IL1RN: variants seen among roughly 807,000 people sequenced by gnomAD.
IL1RN encodes the protein interleukin-1 receptor antagonist protein.
A neutral mutation model predicts 13.7 loss-of-function variants in IL1RN; 10 were observed. The ratio of observed to expected loss-of-function variants is 0.73; its 90% CI spans 0.45 to 1.24. The LOEUF (loss-of-function observed/expected upper bound fraction) is 1.24, where lower values mean the gene tolerates loss of function less well. IL1RN is among the 50% of genes most tolerant of loss of function. The probability of loss-of-function intolerance (pLI) is 0.00; values close to 1 mark genes in which losing one functional copy is unlikely to be tolerated. For missense variants in IL1RN, 213 were observed against 222.1 expected (o/e 0.96, Z 0.26); for synonymous variants, 102 against 82.7 (o/e 1.23, Z -1.27).
At chr2:113,123,262 G>C (rs1465232359), upstream of IL1RN, among the ~76,000 whole-genome samples, 1 of 152,238 alleles carries the variant, frequency 6.6e-6, no homozygotes, top group Non-Finnish European at 1.5e-5. Flanking sequence ...GGAGGCATCA[G>C]AGAATGGCCA....
At chr2:113,123,425 G>A (rs1429487011), upstream of IL1RN, among the ~76,000 whole-genome samples, 1 of 152,130 alleles carries the variant, frequency 6.6e-6, no homozygotes, top group African/African-American at 2.4e-5. Context: ...CTTAAATCCT[G>A]CCTACAGGGA....
chr2:113,129,771 T>A, intron 2 of IL1RN, 107 bp downstream of exon 2: 1 of 797,562 alleles, frequency 1.3e-6, no homozygotes, highest in Non-Finnish European at 2.3e-6. Flanking sequence ...AATGTCCTAA[T>A]CCTTGTTGGG....
upstream of IL1RN, among the ~76,000 whole-genome samples, chr2:113,103,150 C>T (rs1418873819): frequency 2.6e-5 from 4 of 152,176 alleles, no homozygotes; most frequent in Admixed American, 2.0e-4. Flanking sequence ...CTGGTGCTAT[C>T]ACTCCATCCT....
chr2:113,100,339 AAAG>A, the IL1RN span, among the ~76,000 whole-genome samples: 4 of 150,942 alleles, frequency 2.7e-5, no homozygotes, highest in African/African-American at 4.9e-5. Context: ...AAAAAAAAAA[AAAG>A]GCTGGAAAAC....
the IL1RN span, among the ~76,000 whole-genome samples, chr2:113,101,111 A>G: frequency 2.0e-5 from 3 of 152,208 alleles, no homozygotes; most frequent in African/African-American, 7.2e-5. Flanking sequence ...AAGAGTAGTG[A>G]CTTGTGGAAA....
At chr2:113,117,972 G>A (rs55849304) in exon 1 of IL1RN, 2 of 1,131,192 alleles carry the variant, frequency 1.8e-6, no homozygotes, top group Non-Finnish European at 2.7e-6. Flanking sequence ...AGTTGAGTTA[G>A]AGTCTGGAAG....
upstream of IL1RN, among the ~76,000 whole-genome samples, chr2:113,115,010 G>T (rs1171966786): frequency 6.6e-6 from 1 of 152,174 alleles, no homozygotes; most frequent in Non-Finnish European, 1.5e-5. Context: ...TTCACAAGCT[G>T]AGTCTGGAAG....
chr2:113,118,560 G>A (rs1173628674), intron 1 of IL1RN, among the ~76,000 whole-genome samples: 2 of 152,134 alleles, frequency 1.3e-5, no homozygotes, highest in Non-Finnish European at 2.9e-5. Flanking sequence ...TTCCAGAAGA[G>A]TCCGATATTC....
chr2:113,123,261 A>G (rs1346131265), upstream of IL1RN, among the ~76,000 whole-genome samples: 1 of 152,250 alleles, frequency 6.6e-6, no homozygotes. Flanking sequence ...TGGAGGCATC[A>G]GAGAATGGCC....
chr2:113,116,986 C>T (rs45488591), upstream of IL1RN, among the ~76,000 whole-genome samples: 28 of 152,342 alleles, frequency 1.8e-4, no homozygotes, highest in Middle Eastern at 0.017. Context: ...GGGGACTAGA[C>T]CCGGGACTTC....
chr2:113,108,736 G>A (rs1235441474), upstream of IL1RN, among the ~76,000 whole-genome samples: 1 of 152,134 alleles, frequency 6.6e-6, no homozygotes, highest in Non-Finnish European at 1.5e-5. Context: ...GTAAAAAATG[G>A]TGAGGAAGAA....
intron 1 of IL1RN, among the ~76,000 whole-genome samples, chr2:113,112,235 C>T (rs982312199): frequency 6.6e-6 from 1 of 152,112 alleles, no homozygotes; most frequent in Non-Finnish European, 1.5e-5. Context: ...GCGGAGCTTC[C>T]GAGGGCCCAG....
At position 113,131,149 on chromosome 2, in the gene IL1RN, C is replaced by T. The variant is rs1162992196; in HGVS notation, c.310C>T (p.Gln104Ter). ...CVKSGDETRL[Q>*]LEAVNITDLS... ...CAAGTCTGGTGATGAGACCAGACTC[C>T]AGCTGGAGGTAAAAACATGCTTTGG... Residue 104 changes from glutamine to a stop codon, truncating the protein, a stop_gained, in exon 3 of 4, where the codon CAG becomes TAG. Coordinates refer to ENST00000409930, the MANE Select transcript of IL1RN (RefSeq NM_173842.3). LOFTEE classifies it low-confidence loss of function (END_TRUNC). 6.3e-7 allele frequency: 1 copy of T among 1,594,874 alleles called. No homozygotes were observed. The highest frequency in any genetic ancestry group is 1.1e-5 in the South Asian group (1 of 90,738).
At chr2:113,121,852 A>C (rs571972871) in intron 2 of IL1RN, among the ~76,000 whole-genome samples, 1 of 152,344 alleles carries the variant, frequency 6.6e-6, no homozygotes, top group South Asian at 2.1e-4. Context: ...GGTTAAAATT[A>C]ACTTGGCTAC....
chr2:113,105,994 C>T (rs1429019769), upstream of IL1RN, among the ~76,000 whole-genome samples: 1 of 152,218 alleles, frequency 6.6e-6, no homozygotes, highest in Non-Finnish European at 1.5e-5. Flanking sequence ...TCATAGCCAT[C>T]TCACCAATGT....
chr2:113,121,051 T>TTCC (rs1558864248), intron 2 of IL1RN, among the ~76,000 whole-genome samples: 12 of 128,666 alleles, frequency 9.3e-5, no homozygotes, highest in African/African-American at 3.2e-4. Context: ...CTTCCTCTTC[T>TTCC]TCTTCTTCCT....
At chr2:113,131,428 C>T (rs558204525) in intron 3 of IL1RN, among the ~76,000 whole-genome samples, 85 of 152,268 alleles carry the variant, frequency 5.6e-4, no homozygotes, top group Non-Finnish European at 1.1e-3. Flanking sequence ...AGCATGGCGG[C>T]TGACTTCCAA....
intron 1 of IL1RN, among the ~76,000 whole-genome samples, chr2:113,112,278 A>G (rs1686513451): frequency 6.6e-6 from 1 of 152,236 alleles, no homozygotes; most frequent in South Asian, 2.1e-4. Context: ...CAACAGAGAT[A>G]TTCTTTGGCT....
upstream of IL1RN, among the ~76,000 whole-genome samples, chr2:113,113,391 G>A (rs1686534522): frequency 6.6e-6 from 1 of 152,132 alleles, no homozygotes; most frequent in South Asian, 2.1e-4. Flanking sequence ...GAAGAGAGTA[G>A]ACTACTGGTT....
Sources: gnomAD v4.1 joint callset for allele counts (sites outside exome capture counted in the v4.1 genomes callset) on GRCh38, gnomAD v4.1.1 for gene constraint, MANE v1.5 for transcripts, NCBI Gene and HGNC (gene_info 2026-07-23, HGNC 2026-07-21) for gene names.